Variants in GSE1 observed in about 807,000 individuals in gnomAD.
GSE1 encodes Gse1 coiled-coil protein, also known as genetic suppressor element 1.
GSE1 carries 32 observed loss-of-function variants against 112.6 expected under a neutral mutation model. The ratio of observed to expected loss-of-function variants is 0.28; its 90% CI spans 0.21 to 0.38. GSE1 has a LOEUF of 0.38. GSE1 is among the 10% of genes least tolerant of loss of function. The pLI is 1.00. For synonymous variants in GSE1, 1,115 were observed against 735.6 expected (o/e 1.52, Z -8.35); for missense variants, 2,348 against 1,699.2 (o/e 1.38, Z -6.71).
chr16:85,277,920 C>G (rs1398208775), intron 1 of GSE1, among the ~76,000 whole-genome samples: 1 of 152,234 alleles, frequency 6.6e-6, no homozygotes, highest in East Asian at 1.9e-4. Context: ...CCTCGGGGCT[C>G]CTTCCTGCTG....
At chr16:85,462,000 G>A (rs961860602) in intron 2 of GSE1, among the ~76,000 whole-genome samples, 2 of 152,236 alleles carry the variant, frequency 1.3e-5, no homozygotes, top group Non-Finnish European at 2.9e-5. Context: ...TAGAGCCTCG[G>A]TGCTCACAGC....
chr16:85,221,703 G>C (rs557810525), intron 1 of GSE1, among the ~76,000 whole-genome samples: 40 of 152,304 alleles, frequency 2.6e-4, no homozygotes, highest in African/African-American at 9.6e-4. Flanking sequence ...AACAGCAGCA[G>C]CCCTTTAAGC....
chr16:85,258,807 G>T (rs1054689840), intron 1 of GSE1, among the ~76,000 whole-genome samples: 1 of 152,182 alleles, frequency 6.6e-6, no homozygotes. Flanking sequence ...TGGCGGTTTA[G>T]CCTCTGCCCC....
chr16:85,666,396 G>C (rs1330742268), intron 13 of GSE1, 49 bp downstream of exon 13: 2 of 1,604,428 alleles, frequency 1.2e-6, no homozygotes, highest in East Asian at 2.2e-5. Flanking sequence ...GGTTGAGGCT[G>C]ACCAAAGTTG....
intron 1 of GSE1, among the ~76,000 whole-genome samples, chr16:85,296,981 C>G (rs1485954921): frequency 6.6e-6 from 1 of 152,220 alleles, no homozygotes; most frequent in Admixed American, 6.5e-5. Context: ...CTCCTTTGAC[C>G]TCACTCTGTG....
chr16:85,642,286 G>C (rs1487600138), intron 2 of GSE1, among the ~76,000 whole-genome samples: 2 of 152,232 alleles, frequency 1.3e-5, no homozygotes, highest in African/African-American at 4.8e-5. Flanking sequence ...ACTCCAGCCT[G>C]GGTGACAGAG....
chr16:85,404,131 C>T (rs1272663380), intron 2 of GSE1, among the ~76,000 whole-genome samples: 3 of 112,878 alleles, frequency 2.7e-5, no homozygotes, highest in Non-Finnish European at 3.9e-5. Context: ...CACTCAGGGC[C>T]CCCCTGGATA....
Position 85,426,690 on chromosome 16 carries a change from G to C in GSE1, c.2464+69047G>C, listed in dbSNP as rs924229828. ...GGAAGGAAAGAAGAAGGGAGGATGG[G>C]TAGATGGGTGGGTGGATGGATGGAT... On this transcript the variant is annotated intron_variant, in intron 2 of 2. Coordinates refer to the GSE1 transcript ENST00000637419. Among the ~76,000 whole-genome samples, 23 of 148,666 alleles carry C rather than the reference G, an allele frequency of 1.5e-4. No homozygotes were observed. In the South Asian group the frequency reaches 4.6e-3, roughly 29 times the overall value.
chr16:85,666,267 C>G lies in GSE1; in HGVS notation c.3050C>G (p.Pro1017Arg), dbSNP rs1339174681. ...STNGKSKPWE[P>R]FVAEEFAHQF... ...AATGGGAAGAGCAAGCCGTGGGAGC[C>G]CTTTGTGGCAGAAGAGTTTGCACAT... Residue 1017 changes from proline to arginine, a missense_variant, in exon 13 of 16, where the codon CCC (proline) becomes CGC (arginine). Coordinates refer to ENST00000253458, the MANE Select transcript of GSE1 (RefSeq NM_014615.5). 1.2e-6 allele frequency: 2 copies of G among 1,613,876 alleles called. No homozygotes were observed. The highest frequency in any genetic ancestry group is 1.7e-6 in the Non-Finnish European group (2 of 1,180,032).
At chr16:85,543,216 A>C (rs1396811062) in intron 2 of GSE1, among the ~76,000 whole-genome samples, 2 of 152,064 alleles carry the variant, frequency 1.3e-5, no homozygotes, top group Non-Finnish European at 2.9e-5. Context: ...ATCTCAAAAA[A>C]AAAAAAAAAA....
Position 85,567,498 on chromosome 16 carries a change from G to A in GSE1, c.37+11135G>A, listed in dbSNP as rs1194854072. On this transcript the variant is annotated intron_variant, in intron 1 of 2. Transcript: ENST00000635906. ...GGCTGTTCGCCAGACCGCAGCCGGGGCTCTCAACGCTGGGACGCCTCCTCG... is the reference window on the plus strand; with the variant it reads ...GGCTGTTCGCCAGACCGCAGCCGGGACTCTCAACGCTGGGACGCCTCCTCG... Among the ~76,000 whole-genome samples the A allele has an allele frequency of 3.3e-5, 5 of 152,190 alleles. No individual in the cohort carries two copies. The East Asian group carries it at 7.7e-4, about 24-fold the overall frequency.
At chr16:85,653,111 CAG>C (rs1225640264) in intron 3 of GSE1, among the ~76,000 whole-genome samples, 1 of 147,530 alleles carries the variant, frequency 6.8e-6, no homozygotes, top group African/African-American at 2.5e-5. Flanking sequence ...GCCCCAGTGA[CAG>C]AGTGACGCCT....
At chr16:85,646,025 T>C (rs112899583) in intron 2 of GSE1, among the ~76,000 whole-genome samples, 5,193 of 132,142 alleles carry the variant, frequency 0.039, 390 homozygotes, top group African/African-American at 0.15. Flanking sequence ...TCCCACGCTT[T>C]CTATGCATGC....
At chr16:85,636,306 A>G (rs1193045659) in intron 2 of GSE1, among the ~76,000 whole-genome samples, 2 of 152,210 alleles carry the variant, frequency 1.3e-5, no homozygotes, top group Non-Finnish European at 2.9e-5. Context: ...TTGAGCTGGG[A>G]ATGCCAAGGT....
At chr16:85,243,374 G>T (rs1297955814) in intron 1 of GSE1, among the ~76,000 whole-genome samples, 1 of 152,194 alleles carries the variant, frequency 6.6e-6, no homozygotes, top group African/African-American at 2.4e-5. Flanking sequence ...GAAGGACACG[G>T]GCAGTGGGGC....
intron 2 of GSE1, among the ~76,000 whole-genome samples, chr16:85,641,736 G>C (rs545914113): frequency 6.6e-6 from 1 of 152,230 alleles, no homozygotes; most frequent in Non-Finnish European, 1.5e-5. Flanking sequence ...TTTCCTCTGG[G>C]GTCTGCTATT....
chr16:85,501,387 CTT>C lies in GSE1; in HGVS notation c.2465-132507_2465-132506del, dbSNP rs748089415. On this transcript the variant is annotated intron_variant, in intron 2 of 2. Coordinates refer to the GSE1 transcript ENST00000637419. ...CACGGTTCTGGGATTAGGACTTCAC[CTT>C]TTTTTTTTTTTTTTTTTTTAGGGGA... 2.1e-3 allele frequency among the ~76,000 whole-genome samples: 275 copies of C among 129,482 alleles called. 2 individuals are homozygous for C. The highest frequency in any genetic ancestry group is 5.4e-3 in the African/African-American group (191 of 35,176). The allele number at this position is 129,482 out of a possible 152,430, so 84.9% of individuals were successfully genotyped here.
chr16:85,347,913 C>G (rs955685014), intron 1 of GSE1, among the ~76,000 whole-genome samples: 2 of 152,222 alleles, frequency 1.3e-5, no homozygotes, highest in Non-Finnish European at 2.9e-5. Context: ...CAGCAGCCCT[C>G]GAGGCCTTGA....
At chr16:85,293,145 G>A (rs1478190206) in intron 1 of GSE1, among the ~76,000 whole-genome samples, 2 of 151,950 alleles carry the variant, frequency 1.3e-5, no homozygotes, top group African/African-American at 4.8e-5. Flanking sequence ...GTCACGGATC[G>A]GCTTTTGTCC....
Sources: gnomAD v4.1 joint callset for allele counts (sites outside exome capture counted in the v4.1 genomes callset) on GRCh38, gnomAD v4.1.1 for gene constraint, MANE v1.5 for transcripts, NCBI Gene and HGNC (gene_info 2026-07-23, HGNC 2026-07-21) for gene names.